Variants in TOGARAM1 observed in about 807,000 individuals in gnomAD.
The protein encoded by TOGARAM1 is TOG array regulator of axonemal microtubules protein 1.
TOGARAM1 carries 100 observed loss-of-function variants against 166.6 expected under a neutral mutation model. That is an observed-to-expected ratio of 0.60 (90% CI 0.51 to 0.71). The LOEUF is 0.71. Ranked by LOEUF, TOGARAM1 falls within the 30% of genes least tolerant of loss-of-function variation. The pLI is 0.00. For synonymous variants in TOGARAM1, 758 were observed against 763.8 expected (o/e 0.99, Z 0.13); for missense variants, 2,029 against 2,102.7 (o/e 0.96, Z 0.69).
At chr14:44,968,700 T>G (rs1004708651) in intron 1 of TOGARAM1, among the ~76,000 whole-genome samples, 1 of 152,196 alleles carries the variant, frequency 6.6e-6, no homozygotes, top group South Asian at 2.1e-4. Context: ...GAACCCATAT[T>G]AACATATAAT....
rs1014181508 is a variant in TOGARAM1, at chr14:45,057,502, T to C, written c.4559+2953T>C. 6.6e-5 allele frequency among the ~76,000 whole-genome samples: 10 copies of C among 152,150 alleles called. No homozygotes were observed. The South Asian group carries it at 1.2e-3, about 19-fold the overall frequency. The stretch of plus-strand genomic sequence containing the variant: ...AGTGTAGTGGCATCATCATAGCCCA[T>C]TGCAGCCTCAAATTCTTGGGCTCAA... On this transcript the variant is annotated intron_variant, in intron 16 of 19. Coordinates refer to ENST00000361462, the MANE Select transcript of TOGARAM1 (RefSeq NM_001308120.2).
At chr14:45,041,373 C>T (rs989782185) in intron 11 of TOGARAM1, among the ~76,000 whole-genome samples, 6 of 152,322 alleles carry the variant, frequency 3.9e-5, no homozygotes, top group Admixed American at 6.5e-5. Flanking sequence ...TGCACTCCAG[C>T]CTGGGCGACA....
chr14:45,063,549 A>G (rs1051588223), intron 16 of TOGARAM1, among the ~76,000 whole-genome samples: 5 of 136,490 alleles, frequency 3.7e-5, no homozygotes, highest in African/African-American at 1.5e-4. Context: ...CAGTGGCGTG[A>G]TCTCACTGCA....
At position 45,073,664 on chromosome 14, in the gene TOGARAM1, A is replaced by C; in HGVS notation, c.*103A>C. On this transcript the variant is annotated 3_prime_UTR_variant, in exon 20 of 20. Coordinates refer to ENST00000361462, the MANE Select transcript of TOGARAM1 (RefSeq NM_001308120.2). ...AGTGCCTGCACTTCACATCCAGCAA[A>C]TTAAGTCAATGGCTATTTTTATTTG... 9.4e-7 allele frequency: 1 copy of C among 1,062,386 alleles called. No homozygotes were observed. The highest frequency in any genetic ancestry group is 1.6e-5 in the South Asian group (1 of 60,924). The allele number at this position is 1,062,386 out of a possible 1,614,324, so 65.8% of individuals were successfully genotyped here. A position where few individuals can be genotyped will look rare whatever the true frequency, so the allele number is the denominator to read the frequency against.
At chr14:45,045,583 A>G (rs12893062) in intron 13 of TOGARAM1, among the ~76,000 whole-genome samples, 76 of 37,446 alleles carry the variant, frequency 2.0e-3, no homozygotes, top group Admixed American at 3.6e-3. Flanking sequence ...ATATATATAT[A>G]TGTGTGTGTG....
In TOGARAM1 at chr14:44,964,337, C is replaced by G; in HGVS notation, c.1916C>G (p.Ser639Cys). Residue 639 changes from serine to cysteine, a missense_variant, in exon 1 of 20, where the codon TCT becomes TGT. By Grantham distance (112) the Ser-to-Cys change is moderately radical. This residue lies in a region of TOGARAM1 where 1,453 missense variants were observed against 1,432.2 expected (regional missense o/e 1.01). Transcript: ENST00000361462. The stretch of plus-strand genomic sequence containing the variant: ...AGGGATAGCATGCACATTTATGGAT[C>G]TTACAGCCCAACTATCTGTACCCGA... ...HVRDSMHIYG[S>C]YSPTICTRRV... 1 of 1,614,150 alleles carries G rather than the reference C, an allele frequency of 6.2e-7. No individual in the cohort carries two copies. Among genetic ancestry groups the G allele is most frequent in the Non-Finnish European group, 8.5e-7 (1 of 1,180,022 alleles).
rs1165937533 is a variant in TOGARAM1, at chr14:45,073,352, G to C, written c.5113G>C (p.Val1705Leu). The change falls in exon 20 of 20, where the codon GTT becomes CTT. Residue 1705 changes from valine (V) to leucine (L), a missense_variant. Val to Leu is a conservative substitution (Grantham distance 32). This residue lies in a region of TOGARAM1 where 576 missense variants were observed against 670.5 expected (regional missense o/e 0.86). Transcript: ENST00000361462. Reference sequence around the variant, plus strand: ...GCATGCCACAGAGCAGAAAGTGTTGGTTGTTTTATGGCATCTCTTAGGAAA... The same window carrying C: ...GCATGCCACAGAGCAGAAAGTGTTGCTTGTTTTATGGCATCTCTTAGGAAA... The part of the protein sequence containing the change: ...KPHATEQKVL[V>L]VLWHLLGNMT... The C allele has an allele frequency of 6.2e-7, 1 of 1,614,162 alleles. No individual in the cohort carries two copies. The highest frequency in any genetic ancestry group is 1.7e-5 in the Admixed American group (1 of 60,020).
At chr14:45,069,679 A>G (rs1009973673) in intron 18 of TOGARAM1, among the ~76,000 whole-genome samples, 19 of 152,284 alleles carry the variant, frequency 1.2e-4, no homozygotes, top group African/African-American at 4.3e-4. Flanking sequence ...TCACCACACA[A>G]GTATTAGAAC....
At chr14:45,035,327 C>G (rs1289422350) in intron 11 of TOGARAM1, among the ~76,000 whole-genome samples, 1 of 151,378 alleles carries the variant, frequency 6.6e-6, no homozygotes, top group Non-Finnish European at 1.5e-5. Flanking sequence ...ACCACTGCAC[C>G]CAGCCTGGGC....
chr14:44,986,634 A>T (rs1299874360), intron 1 of TOGARAM1, among the ~76,000 whole-genome samples: 5 of 151,984 alleles, frequency 3.3e-5, no homozygotes, highest in African/African-American at 1.2e-4. Flanking sequence ...GATACTACAG[A>T]TACTAAAACT....
intron 16 of TOGARAM1, among the ~76,000 whole-genome samples, chr14:45,062,023 T>A (rs1882922238): frequency 6.6e-6 from 1 of 152,166 alleles, no homozygotes. Flanking sequence ...TTTAAACTTC[T>A]TGAGACTTGT....
intron 1 of TOGARAM1, among the ~76,000 whole-genome samples, chr14:44,986,420 G>T (rs1299458384): frequency 6.6e-6 from 1 of 152,064 alleles, no homozygotes. Flanking sequence ...CTCCCGAGTA[G>T]CTAGGACTAC....
Position 45,011,957 on chromosome 14 carries a change from T to C in TOGARAM1, c.3138-18T>C. 1.3e-6 allele frequency: 2 copies of C among 1,551,914 alleles called. No individual in the cohort carries two copies. Among genetic ancestry groups the C allele is most frequent in the Non-Finnish European group, 1.8e-6 (2 of 1,135,628 alleles). ...ACTAAATCTTAATGTTTATTGAAATTACTTTGTTTCATTGCAGGTCAGACA... is the reference window on the plus strand; with the variant it reads ...ACTAAATCTTAATGTTTATTGAAATCACTTTGTTTCATTGCAGGTCAGACA... On this transcript the variant is annotated intron_variant, in intron 6 of 19. Coordinates refer to ENST00000361462, the MANE Select transcript of TOGARAM1 (RefSeq NM_001308120.2).
chr14:45,057,149 C>A (rs1242475643), intron 16 of TOGARAM1, among the ~76,000 whole-genome samples: 1 of 152,024 alleles, frequency 6.6e-6, no homozygotes, highest in Non-Finnish European at 1.5e-5. Flanking sequence ...TCATAATAGT[C>A]TCTGATGATC....
intron 11 of TOGARAM1, among the ~76,000 whole-genome samples, chr14:45,037,106 A>T (rs1477341390): frequency 6.6e-6 from 1 of 152,182 alleles, no homozygotes; most frequent in Non-Finnish European, 1.5e-5. Flanking sequence ...GACATAGCCA[A>T]ACCCTATCAA....
At chr14:45,019,688 T>C (rs1165783294) in intron 7 of TOGARAM1, among the ~76,000 whole-genome samples, 1 of 152,204 alleles carries the variant, frequency 6.6e-6, no homozygotes, top group Non-Finnish European at 1.5e-5. Flanking sequence ...CTCTCTTTAC[T>C]ACCTGATTGG....
intron 1 of TOGARAM1, among the ~76,000 whole-genome samples, chr14:44,989,184 T>C (rs779861962): frequency 6.6e-6 from 1 of 152,212 alleles, no homozygotes; most frequent in Admixed American, 6.5e-5. Context: ...TACAATGACA[T>C]TGAATTTTCT....
At position 44,964,325 on chromosome 14, in the gene TOGARAM1, A is replaced by G; in HGVS notation, c.1904A>G (p.His635Arg). Residue 635 changes from histidine (H) to arginine (R), a missense_variant, in exon 1 of 20, where the codon CAC becomes CGC. Coordinates refer to ENST00000361462, the MANE Select transcript of TOGARAM1 (RefSeq NM_001308120.2). ...HCGDHVRDSM[H>R]IYGSYSPTIC... The stretch of plus-strand genomic sequence containing the variant: ...GGTGACCACGTGAGGGATAGCATGC[A>G]CATTTATGGATCTTACAGCCCAACT... The G allele has an allele frequency of 6.2e-7, 1 of 1,614,220 alleles. No individual in the cohort carries two copies. The highest frequency in any genetic ancestry group is 8.5e-7 in the Non-Finnish European group (1 of 1,180,042).
At chr14:45,048,606 C>G (rs1461498672) in intron 14 of TOGARAM1, among the ~76,000 whole-genome samples, 2 of 152,158 alleles carry the variant, frequency 1.3e-5, no homozygotes, top group Non-Finnish European at 2.9e-5. Flanking sequence ...CCTCAGTTCA[C>G]TGCCTATGGT....
Sources: allele counts gnomAD v4.1 joint callset (sites outside exome capture counted in the v4.1 genomes callset), GRCh38; gene constraint gnomAD v4.1.1; regional missense constraint gnomAD v4.1.1; transcripts MANE v1.5; gene names NCBI Gene and HGNC (gene_info 2026-07-23, HGNC 2026-07-21).